STK32B: variants seen among roughly 807,000 people sequenced by gnomAD.
STK32B encodes serine/threonine-protein kinase 32B.
A neutral mutation model predicts 52.6 loss-of-function variants in STK32B; 43 were observed. That is an observed-to-expected ratio of 0.82 (90% CI 0.64 to 1.05). The LOEUF is 1.05. Among genes scored for constraint, STK32B ranks in the 50% least tolerant of loss-of-function variants. The pLI is 0.00. For missense variants in STK32B, 621 were observed against 534.6 expected (o/e 1.16, Z -1.59); for synonymous variants, 238 against 204.3 (o/e 1.17, Z -1.41).
chr4:5,216,714 A>G (rs1723204011), intron 3 of STK32B, among the ~76,000 whole-genome samples: 1 of 152,162 alleles, frequency 6.6e-6, no homozygotes, highest in Admixed American at 6.5e-5. Context: ...AGGCTGAAGG[A>G]GCTGGAGGTG....
chr4:5,128,594 A>G (rs890924941), intron 1 of STK32B, among the ~76,000 whole-genome samples: 1 of 152,248 alleles, frequency 6.6e-6, no homozygotes, highest in African/African-American at 2.4e-5. Context: ...TAGAAAGCAA[A>G]GCAGTTTTTA....
chr4:5,356,304 A>C (rs986079992), intron 4 of STK32B, among the ~76,000 whole-genome samples: 1 of 152,118 alleles, frequency 6.6e-6, no homozygotes, highest in Non-Finnish European at 1.5e-5. Flanking sequence ...AAACAGCACC[A>C]GTCATTGGAT....
At chr4:5,221,452 T>C (rs903172748) in intron 3 of STK32B, among the ~76,000 whole-genome samples, 6 of 152,104 alleles carry the variant, frequency 3.9e-5, no homozygotes, top group African/African-American at 1.2e-4. Flanking sequence ...GATTTTACTG[T>C]TTGCTGGGAT....
chr4:5,400,223 G>C lies in STK32B; in HGVS notation c.472+1979G>C, dbSNP rs927649143. Among the ~76,000 whole-genome samples the C allele has an allele frequency of 6.6e-6, 1 of 152,170 alleles. No individual in the cohort carries two copies. Among genetic ancestry groups the C allele is most frequent in the African/African-American group, 2.4e-5 (1 of 41,462 alleles). ...CTGAAGCTGCTGCACAAAAGATATA[G>C]GCAGGCGGGCTGCTCCCAGGCAGCC... On this transcript the variant is annotated intron_variant, in intron 5 of 11. Coordinates refer to ENST00000282908, the MANE Select transcript of STK32B (RefSeq NM_018401.3). This position sits in a 1 kb window ranked among gnomAD's most constrained non-coding sequence, Gnocchi z 6.1.
At chr4:5,312,263 TTTTTA>T (rs1447696688) in intron 3 of STK32B, among the ~76,000 whole-genome samples, 1 of 150,918 alleles carries the variant, frequency 6.6e-6, no homozygotes, top group African/African-American at 2.5e-5. Flanking sequence ...TTTAGTTTTT[TTTTTA>T]TTTTATTATT....
chr4:5,291,774 GTTGGGTTTGTTTTTGTTTTTTGT>G (rs1418525518), intron 3 of STK32B, among the ~76,000 whole-genome samples: 3 of 152,042 alleles, frequency 2.0e-5, no homozygotes, highest in Non-Finnish European at 2.9e-5. Flanking sequence ...GTCTGATGTG[GTTGGGTTTGTTTTTGTTTTTTGT>G]TTGTTTGTTT....
At chr4:5,174,986 A>G (rs1321382983) in intron 3 of STK32B, among the ~76,000 whole-genome samples, 1 of 152,182 alleles carries the variant, frequency 6.6e-6, no homozygotes, top group African/African-American at 2.4e-5. Flanking sequence ...TATTTCTTGT[A>G]GGCTTTGTTA....
intron 1 of STK32B, among the ~76,000 whole-genome samples, chr4:5,138,647 A>G (rs1231071161): frequency 3.9e-5 from 6 of 152,220 alleles, no homozygotes; most frequent in Non-Finnish European, 8.8e-5. Flanking sequence ...GGGAGCTTAG[A>G]GTCTAGTAGG....
intron 4 of STK32B, among the ~76,000 whole-genome samples, chr4:5,349,601 C>T (rs181089505): frequency 7.5e-4 from 114 of 152,058 alleles, no homozygotes; most frequent in Admixed American, 1.9e-3. Context: ...TATGAAACCC[C>T]AAAGGAACAC....
the STK32B span, among the ~76,000 whole-genome samples, chr4:5,038,258 G>A: frequency 7.2e-5 from 11 of 152,176 alleles, no homozygotes; most frequent in Non-Finnish European, 1.0e-4. Flanking sequence ...TGGAGGCAAG[G>A]AAGGATGACG....
chr4:5,168,647 C>A (rs1719085112), intron 3 of STK32B, among the ~76,000 whole-genome samples, 197 bp downstream of exon 3: 1 of 152,162 alleles, frequency 6.6e-6, no homozygotes, highest in South Asian at 2.1e-4. Flanking sequence ...CATTTTAATT[C>A]TGTCCTCTTA....
chr4:5,167,379 T>A (rs777910980), intron 2 of STK32B, among the ~76,000 whole-genome samples: 12 of 152,198 alleles, frequency 7.9e-5, no homozygotes, highest in Non-Finnish European at 1.3e-4. Context: ...GTCAAGGAGA[T>A]GATTTGCTCA....
intron 3 of STK32B, among the ~76,000 whole-genome samples, chr4:5,317,256 TATA>T (rs1454446929): frequency 2.3e-5 from 1 of 42,820 alleles, no homozygotes; most frequent in Non-Finnish European, 3.5e-5. Flanking sequence ...ATATATAACA[TATA>T]ACATATATAT....
chr4:5,302,285 A>G (rs1729615842), intron 3 of STK32B, among the ~76,000 whole-genome samples: 1 of 151,632 alleles, frequency 6.6e-6, no homozygotes, highest in South Asian at 2.1e-4. Flanking sequence ...TTTGTTTTAT[A>G]TTCTGTGTGT....
intron 1 of STK32B, among the ~76,000 whole-genome samples, chr4:5,136,120 TG>T (rs1165700637): frequency 6.6e-6 from 1 of 152,218 alleles, no homozygotes; most frequent in East Asian, 1.9e-4. Flanking sequence ...TTATGACTAT[TG>T]GGGATTATCA....
intron 2 of STK32B, among the ~76,000 whole-genome samples, chr4:5,150,652 G>C (rs1717280649): frequency 6.6e-6 from 1 of 151,914 alleles, no homozygotes; most frequent in Non-Finnish European, 1.5e-5. Context: ...GATTTGGTCA[G>C]AGGTTATTTA....
intron 6 of STK32B, among the ~76,000 whole-genome samples, chr4:5,420,605 C>T (rs1391798241): frequency 6.6e-6 from 1 of 152,116 alleles, no homozygotes; most frequent in Non-Finnish European, 1.5e-5. Flanking sequence ...TGAGATGCAG[C>T]ACAGCCATGG....
At chr4:5,317,635 C>T (rs1477331203) in intron 3 of STK32B, among the ~76,000 whole-genome samples, 2 of 145,294 alleles carry the variant, frequency 1.4e-5, no homozygotes, top group Non-Finnish European at 3.0e-5. Flanking sequence ...ATGCCCTGGA[C>T]CAGGCCCTGA....
chr4:5,464,553 A>C (rs1717288943), intron 9 of STK32B, among the ~76,000 whole-genome samples: 3 of 152,228 alleles, frequency 2.0e-5, no homozygotes, highest in Admixed American at 2.0e-4. Flanking sequence ...TGACAATAGA[A>C]GGCACTAGAA....
Sources: gnomAD v4.1 joint callset for allele counts (sites outside exome capture counted in the v4.1 genomes callset) on GRCh38, gnomAD v4.1.1 for gene constraint, Gnocchi (gnomAD v3.1) non-coding constraint, MANE v1.5 for transcripts, NCBI Gene and HGNC (gene_info 2026-07-23, HGNC 2026-07-21) for gene names.